Variants in SLC22A16 observed in about 807,000 individuals in gnomAD.
SLC22A16 encodes the protein solute carrier family 22 member 16, also known as WUGSC:RG331P03.1.
A neutral mutation model predicts 52.9 loss-of-function variants in SLC22A16; 53 were observed. The observed-to-expected ratio is 1.00, with a 90% confidence interval of 0.80 to 1.26. The LOEUF is 1.26. Among genes scored for constraint, SLC22A16 ranks in the 50% most tolerant of loss-of-function variants. The pLI, the probability that SLC22A16 is intolerant of heterozygous loss-of-function variation, is 0.00. For missense variants in SLC22A16, 726 were observed against 704.0 expected, an observed-to-expected ratio of 1.03 and a Z score of -0.35; for synonymous variants, 291 against 268.8, an observed-to-expected ratio of 1.08 and a Z score of -0.81.
At chr6:110,476,251 C>T in intron 1 of SLC22A16, 3 of 988,152 alleles carry the variant, frequency 3.0e-6, no homozygotes, top group Non-Finnish European at 4.2e-6. Context: ...CCGCGGAGAG[C>T]ACGCACCAGG....
At chr6:110,452,748 T>C (rs1046544685) in intron 2 of SLC22A16, among the ~76,000 whole-genome samples, 5 of 152,250 alleles carry the variant, frequency 3.3e-5, no homozygotes, top group Non-Finnish European at 7.3e-5. Flanking sequence ...AACCTTATTG[T>C]AGAAACCTTT....
chr6:110,458,662 G>T (rs1050565862), intron 1 of SLC22A16, among the ~76,000 whole-genome samples: 2 of 152,170 alleles, frequency 1.3e-5, no homozygotes, highest in African/African-American at 4.8e-5. Context: ...AGAGATTAGC[G>T]TATGAATCAG....
At chr6:110,438,200 T>G (rs574860950) in intron 5 of SLC22A16, among the ~76,000 whole-genome samples, 2 of 152,356 alleles carry the variant, frequency 1.3e-5, no homozygotes, top group African/African-American at 4.8e-5. Flanking sequence ...GCTGAATGAA[T>G]AAATGAGTGA....
intron 5 of SLC22A16, among the ~76,000 whole-genome samples, chr6:110,438,376 G>A (rs1774819358): frequency 1.3e-5 from 2 of 152,010 alleles, no homozygotes; most frequent in South Asian, 4.2e-4. Context: ...CTAGGCTGGA[G>A]TACAGTGGCA....
At chr6:110,427,808 C>A (rs1458058238) in intron 7 of SLC22A16, among the ~76,000 whole-genome samples, 2 of 152,218 alleles carry the variant, frequency 1.3e-5, no homozygotes, top group Non-Finnish European at 2.9e-5. Flanking sequence ...CAAGATGTTT[C>A]TTAATATTCC....
intron 1 of SLC22A16, chr6:110,476,155 A>C: frequency 2.4e-6 from 1 of 413,248 alleles, no homozygotes; most frequent in Non-Finnish European, 4.4e-6. Context: ...GATTAGAGAA[A>C]CGGGCGGCCA....
At chr6:110,428,898 C>T (rs543904819) in intron 7 of SLC22A16, among the ~76,000 whole-genome samples, 4 of 151,998 alleles carry the variant, frequency 2.6e-5, no homozygotes, top group East Asian at 1.9e-4. Context: ...CCCGCCTGGT[C>T]GACAGAGCAA....
intron 1 of SLC22A16, among the ~76,000 whole-genome samples, chr6:110,460,415 G>A (rs10457213): frequency 0.071 from 10,740 of 152,234 alleles, 638 homozygotes; most frequent in African/African-American, 0.16. Context: ...CAGAGAAAAG[G>A]AAAACAGCAA....
At chr6:110,469,205 T>C (rs367588009) in intron 1 of SLC22A16, among the ~76,000 whole-genome samples, 15 of 152,308 alleles carry the variant, frequency 9.8e-5, no homozygotes, top group East Asian at 9.6e-4. Flanking sequence ...TGGCAGCTTA[T>C]TCAGCATTGT....
At chr6:110,453,469 AG>A (rs1775461386) in intron 2 of SLC22A16, among the ~76,000 whole-genome samples, 1 of 152,190 alleles carries the variant, frequency 6.6e-6, no homozygotes, top group African/African-American at 2.4e-5. Context: ...GTACTGTTTA[AG>A]GGATGCTGGC....
intron 1 of SLC22A16, chr6:110,476,002 T>C (rs1386897117): frequency 2.2e-6 from 1 of 456,264 alleles, no homozygotes; most frequent in East Asian, 7.0e-5. Flanking sequence ...AGGTACAGTG[T>C]ACCTGGCACG....
At chr6:110,454,163 T>C (rs955639852) in intron 2 of SLC22A16, among the ~76,000 whole-genome samples, 5 of 152,126 alleles carry the variant, frequency 3.3e-5, no homozygotes, top group Non-Finnish European at 7.4e-5. Context: ...AGACTAATCA[T>C]ATCTAAGCCA....
rs533298112 is a variant in SLC22A16, at chr6:110,454,093, C to T, written c.533+2445G>A. Among the ~76,000 whole-genome samples the T allele has an allele frequency of 2.6e-5, 4 of 152,288 alleles. No homozygotes were observed. In the South Asian group the frequency reaches 8.3e-4, roughly 32 times the overall value. ...CATGGCCCAAACACCTCCCACTAGG[C>T]CTCACCTCCCAACACCGCCACACTG... is the stretch of plus-strand genomic sequence containing the variant. On this transcript the variant is annotated intron_variant, in intron 2 of 7. Coordinates refer to ENST00000368919, the MANE Select transcript of SLC22A16 (RefSeq NM_033125.4).
intron 2 of SLC22A16, among the ~76,000 whole-genome samples, chr6:110,454,941 AAT>A (rs1263682759): frequency 2.3e-4 from 21 of 92,500 alleles, no homozygotes; most frequent in African/African-American, 8.9e-4. Flanking sequence ...TAATATATAT[AAT>A]ATATAAATAT....
chr6:110,456,564 C>G lies in SLC22A16; in HGVS notation c.507G>C (p.Ser169=), dbSNP rs151191484. Residue 169 remains serine, a synonymous_variant, in exon 2 of 8, where the codon TCG becomes TCC. Coordinates refer to ENST00000368919, the MANE Select transcript of SLC22A16 (RefSeq NM_033125.4). ...PLFMFGVLLG[S]VTFGYFSDRL... is the part of the protein sequence containing the mutation. ...TGTCAGAAAAGTAGCCAAAAGTCAC[C>G]GATCCCAGTAGGACTCCAAACATAA... is the stretch of plus-strand genomic sequence containing the variant. The G allele has an allele frequency of 6.2e-7, 1 of 1,613,846 alleles. No individual in the cohort carries two copies. The highest frequency in any genetic ancestry group is 1.3e-5 in the African/African-American group (1 of 74,904).
chr6:110,464,677 G>A (rs1312511084), intron 1 of SLC22A16, among the ~76,000 whole-genome samples: 1 of 151,916 alleles, frequency 6.6e-6, no homozygotes, highest in African/African-American at 2.4e-5. Flanking sequence ...AAAGAACCCA[G>A]GACCAGACGG....
rs1562272549 is a variant in SLC22A16 at position 110,424,941 on chromosome 6, T to A, written c.1666A>T (p.Thr556Ser). Residue 556 changes from threonine to serine, a missense_variant, in exon 8 of 8, where the codon ACA (threonine) becomes TCA (serine). Physicochemically the swap from Thr to Ser is moderately conservative, Grantham distance 58. Coordinates refer to ENST00000368919, the MANE Select transcript of SLC22A16 (RefSeq NM_033125.4). ...TTTTCCAGCCCACTATTATTAGTTGTGAGAAGTAATTTGCTTGACTTGCTT... is the reference window on the plus strand; with the variant it reads ...TTTTCCAGCCCACTATTATTAGTTGAGAGAAGTAATTTGCTTGACTTGCTT... Reference protein sequence around the residue: ...NESKSSKLLLTTNNSGLEKTE... With the variant: ...NESKSSKLLLSTNNSGLEKTE... The A allele has an allele frequency of 6.2e-7, 1 of 1,613,472 alleles. No homozygotes were observed. The highest frequency in any genetic ancestry group is 1.3e-5 in the African/African-American group (1 of 75,030).
intron 3 of SLC22A16, among the ~76,000 whole-genome samples, chr6:110,443,041 C>T (rs1426456774): frequency 2.0e-5 from 3 of 152,114 alleles, no homozygotes; most frequent in African/African-American, 4.8e-5. Context: ...TCTTTTGTGT[C>T]ATCTAAATAT....
At chr6:110,471,095 AACG>A (rs1776245731) in intron 1 of SLC22A16, among the ~76,000 whole-genome samples, 2 of 152,174 alleles carry the variant, frequency 1.3e-5, no homozygotes, top group Non-Finnish European at 2.9e-5. Context: ...CATGCCACAA[AACG>A]ACGTTTCGGT....
Sources: allele counts gnomAD v4.1 joint callset (sites outside exome capture counted in the v4.1 genomes callset), GRCh38; gene constraint gnomAD v4.1.1; transcripts MANE v1.5; gene names NCBI Gene and HGNC (gene_info 2026-07-23, HGNC 2026-07-21).